Variants in PDE4B observed in about 807,000 individuals in gnomAD.
PDE4B encodes 3',5'-cyclic-AMP phosphodiesterase 4B.
A neutral mutation model predicts 82.2 loss-of-function variants in PDE4B; 20 were observed. The ratio of observed to expected loss-of-function variants is 0.24; its 90% confidence interval spans 0.17 to 0.35. PDE4B has a LOEUF of 0.35. PDE4B is among the 10% of genes least tolerant of loss of function. The pLI is 1.00. For synonymous variants in PDE4B, 320 were observed against 318.9 expected, an observed-to-expected ratio of 1.00 and a Z score of -0.04; for missense variants, 655 against 907.2, an observed-to-expected ratio of 0.72 and a Z score of 3.57.
intron 3 of PDE4B, among the ~76,000 whole-genome samples, chr1:65,966,514 C>CA (rs1326405126): frequency 2.0e-5 from 3 of 152,162 alleles, no homozygotes. Context: ...ATCAAGCTAC[C>CA]AGTGACTTTC....
chr1:65,911,648 TCTGC>T (rs1647092943), intron 1 of PDE4B, among the ~76,000 whole-genome samples: 1 of 152,174 alleles, frequency 6.6e-6, no homozygotes, highest in African/African-American at 2.4e-5. Flanking sequence ...GTATTAAAAT[TCTGC>T]CTGCTGCTGT....
chr1:66,270,968 C>A (rs1180970495), intron 7 of PDE4B, among the ~76,000 whole-genome samples: 1 of 152,194 alleles, frequency 6.6e-6, no homozygotes, highest in African/African-American at 2.4e-5. Context: ...CAGAAAAGCC[C>A]CAGTTATTTT....
intron 1 of PDE4B, among the ~76,000 whole-genome samples, chr1:65,848,403 T>TG (rs1646291563): frequency 6.6e-6 from 1 of 152,098 alleles, no homozygotes; most frequent in Non-Finnish European, 1.5e-5. Flanking sequence ...CTCAGCCTCC[T>TG]AAAGTGTTGG....
intron 3 of PDE4B, among the ~76,000 whole-genome samples, chr1:66,072,853 C>G (rs1656221657): frequency 6.6e-6 from 1 of 152,022 alleles, no homozygotes; most frequent in Non-Finnish European, 1.5e-5. Context: ...AAGTATAATA[C>G]ATTGCCATAA....
At chr1:65,854,608 A>AT (rs930995810) in intron 1 of PDE4B, among the ~76,000 whole-genome samples, 1 of 151,630 alleles carries the variant, frequency 6.6e-6, no homozygotes, top group Non-Finnish European at 1.5e-5. Context: ...AATGTATCTT[A>AT]TTTTTCTCTG....
chr1:65,896,529 T>C (rs537756739), intron 1 of PDE4B, among the ~76,000 whole-genome samples: 1 of 152,288 alleles, frequency 6.6e-6, no homozygotes, highest in Admixed American at 6.5e-5. Flanking sequence ...GAAACAGAAG[T>C]AAGCCCAAAA....
intron 3 of PDE4B, among the ~76,000 whole-genome samples, chr1:66,088,289 A>G (rs1644939125): frequency 6.6e-6 from 1 of 151,954 alleles, no homozygotes; most frequent in African/African-American, 2.4e-5. Flanking sequence ...TAAGGACAGG[A>G]AGTTAGTAAG....
intron 3 of PDE4B, among the ~76,000 whole-genome samples, chr1:66,012,535 GCTCACACCCCACTT>G (rs1359683858): frequency 6.6e-6 from 1 of 152,046 alleles, no homozygotes; most frequent in East Asian, 1.9e-4. Flanking sequence ...ATGACAACAG[GCTCACACCCCACTT>G]CCTTCTGTGC....
chr1:66,253,465 C>T (rs979112019), intron 4 of PDE4B, among the ~76,000 whole-genome samples: 3 of 152,182 alleles, frequency 2.0e-5, no homozygotes, highest in African/African-American at 4.8e-5. Flanking sequence ...GTGCTCATTT[C>T]GTTATTCTAC....
In PDE4B at chr1:66,203,298, A is replaced by G. The variant is rs545966614; in HGVS notation, c.282-44162A>G. On this transcript the variant is annotated intron_variant, in intron 3 of 16. Transcript: ENST00000341517. ...CCTTAACATTTTTTCCTTCATTTCA[A>G]CTTTGTTGAATCTGACAATTATATG... Among the ~76,000 whole-genome samples the G allele has an allele frequency of 3.0e-3, 459 of 151,910 alleles. 1 individual carries two copies. The highest frequency in any genetic ancestry group is 4.8e-3 in the Non-Finnish European group (323 of 67,928).
At chr1:65,812,305 G>A (rs191697177) in intron 1 of PDE4B, among the ~76,000 whole-genome samples, 22 of 152,250 alleles carry the variant, frequency 1.4e-4, no homozygotes, top group Admixed American at 7.2e-4. Context: ...TCCTCTTGTA[G>A]GTTAGTTACT....
intron 3 of PDE4B, among the ~76,000 whole-genome samples, chr1:66,139,443 T>C (rs920152375): frequency 6.6e-6 from 1 of 152,098 alleles, no homozygotes; most frequent in East Asian, 2.0e-4. Flanking sequence ...GCTTCAAATC[T>C]CCTGGGCTTT....
chr1:66,062,562 A>G (rs988667005), intron 3 of PDE4B, among the ~76,000 whole-genome samples: 5 of 152,090 alleles, frequency 3.3e-5, no homozygotes, highest in East Asian at 1.9e-4. Flanking sequence ...AATAGAGATT[A>G]TAGTGAAACT....
intron 3 of PDE4B, among the ~76,000 whole-genome samples, chr1:65,955,718 C>G (rs1226033774): frequency 2.0e-5 from 3 of 152,142 alleles, no homozygotes; most frequent in African/African-American, 7.2e-5. Context: ...CATTTCACCT[C>G]CTGGGGAAGG....
chr1:65,809,101 C>T (rs765851155), intron 1 of PDE4B, among the ~76,000 whole-genome samples: 12 of 151,854 alleles, frequency 7.9e-5, no homozygotes, highest in Admixed American at 4.6e-4. Context: ...GATGCTGAGG[C>T]GGGTGGATCA....
intron 1 of PDE4B, among the ~76,000 whole-genome samples, chr1:65,887,417 T>G (rs1646802430): frequency 1.8e-5 from 1 of 54,428 alleles, no homozygotes; most frequent in African/African-American, 9.9e-5. Flanking sequence ...TTCTTCTGTT[T>G]TTTTTTTTTT....
chr1:66,075,561 A>G (rs1057079036), intron 3 of PDE4B, among the ~76,000 whole-genome samples: 7 of 152,100 alleles, frequency 4.6e-5, no homozygotes, highest in African/African-American at 1.7e-4. Flanking sequence ...CTAAAAATCC[A>G]TTTATAATAC....
chr1:66,043,640 C>G (rs192115069), intron 3 of PDE4B, among the ~76,000 whole-genome samples: 1 of 151,656 alleles, frequency 6.6e-6, no homozygotes, highest in Non-Finnish European at 1.5e-5. Flanking sequence ...CAAAGACCAA[C>G]GAAACCATGA....
intron 1 of PDE4B, among the ~76,000 whole-genome samples, chr1:65,866,803 A>T (rs1175407006): frequency 6.6e-6 from 1 of 152,222 alleles, no homozygotes; most frequent in Non-Finnish European, 1.5e-5. Flanking sequence ...GTAAAAAAGG[A>T]TTGATTAGAG....
Sources: allele counts gnomAD v4.1 joint callset (sites outside exome capture counted in the v4.1 genomes callset), GRCh38; gene constraint gnomAD v4.1.1; transcripts MANE v1.5; gene names NCBI Gene and HGNC (gene_info 2026-07-23, HGNC 2026-07-21).